Variants in LDLRAD3 observed in about 807,000 individuals in gnomAD.
LDLRAD3 encodes the protein low-density lipoprotein receptor class A domain-containing protein 3.
In LDLRAD3, 20 loss-of-function variants were observed where a neutral mutation model predicts 29.4. The observed-to-expected ratio is 0.68, with a 90% CI of 0.48 to 0.99. The LOEUF (loss-of-function observed/expected upper bound fraction) is 0.99, where lower values mean the gene tolerates loss of function less well. LDLRAD3 is among the 50% of genes least tolerant of loss of function. LDLRAD3 has a pLI of 0.00. For synonymous variants in LDLRAD3, 157 were observed against 192.7 expected, an observed-to-expected ratio of 0.81 and a Z score of 1.53; for missense variants, 420 against 454.3, an observed-to-expected ratio of 0.92 and a Z score of 0.69.
At chr11:36,084,527 T>C (rs145892992) in intron 3 of LDLRAD3, among the ~76,000 whole-genome samples, 1 of 152,268 alleles carries the variant, frequency 6.6e-6, no homozygotes, top group African/African-American at 2.4e-5. Flanking sequence ...TGTTGGAAAG[T>C]GGTAAATAAA....
At chr11:35,979,436 A>T (rs1251595484) in intron 1 of LDLRAD3, among the ~76,000 whole-genome samples, 1 of 152,182 alleles carries the variant, frequency 6.6e-6, no homozygotes, top group Non-Finnish European at 1.5e-5. Flanking sequence ...TGGCCACAGG[A>T]TATTTATTGA....
chr11:36,181,174 G>C (rs1035352378), intron 4 of LDLRAD3, among the ~76,000 whole-genome samples: 1 of 151,662 alleles, frequency 6.6e-6, no homozygotes, highest in African/African-American at 2.4e-5. Flanking sequence ...CAAAACTCTG[G>C]CTAGTCTTTA....
chr11:36,091,552 T>TA (rs1853280918), intron 3 of LDLRAD3, among the ~76,000 whole-genome samples: 1 of 150,160 alleles, frequency 6.7e-6, no homozygotes, highest in African/African-American at 2.4e-5. Context: ...GCTTGGGAAA[T>TA]AGAGCTTTAG....
intron 1 of LDLRAD3, chr11:35,968,440 G>T: frequency 2.6e-6 from 1 of 379,374 alleles, no homozygotes; most frequent in Non-Finnish European, 5.3e-6. Context: ...CAGGATATTT[G>T]AGAAGGTGTG....
rs192788283 is a variant in LDLRAD3, at chr11:36,055,658, A to G, written c.193+19409A>G. ...TGCCCGTGTGCAGGGTAGAAACCAC[A>G]GCGCTAAAAGACACTTGCCTGTGGT... On this transcript the variant is annotated intron_variant, in intron 2 of 5. Transcript: ENST00000315571. 6.1e-4 allele frequency among the ~76,000 whole-genome samples: 93 copies of G among 152,350 alleles called. 1 individual carries two copies. Among genetic ancestry groups the G allele is most frequent in the African/African-American group, 2.1e-3 (89 of 41,588 alleles).
intron 1 of LDLRAD3, among the ~76,000 whole-genome samples, chr11:36,008,478 A>T (rs1293481736): frequency 3.3e-5 from 5 of 152,178 alleles, no homozygotes; most frequent in Non-Finnish European, 7.3e-5. Flanking sequence ...TTCTCCCAGG[A>T]GTTTGTTGGG....
intron 4 of LDLRAD3, among the ~76,000 whole-genome samples, chr11:36,200,507 C>T (rs187407419): frequency 5.9e-5 from 9 of 152,280 alleles, no homozygotes; most frequent in East Asian, 3.9e-4. Flanking sequence ...CATAACAATC[C>T]GTTTTCAGGA....
chr11:36,041,380 C>T (rs1852379499), intron 2 of LDLRAD3, among the ~76,000 whole-genome samples: 1 of 152,198 alleles, frequency 6.6e-6, no homozygotes, highest in African/African-American at 2.4e-5. Flanking sequence ...GTCTCCATAA[C>T]CTTCCTCCAT....
chr11:36,084,838 T>G lies in LDLRAD3; in HGVS notation c.319+3060T>G, dbSNP rs549783958. On this transcript the variant is annotated intron_variant, in intron 3 of 5. Transcript: ENST00000315571. ...CAGCTTTGAATCAGTGTGGATTCACTTCAAGTAGAATGTATTAATAGAAAC... is the reference window on the plus strand; with the variant it reads ...CAGCTTTGAATCAGTGTGGATTCACGTCAAGTAGAATGTATTAATAGAAAC... 5.9e-5 allele frequency among the ~76,000 whole-genome samples: 9 copies of G among 152,364 alleles called. No individual in the cohort carries two copies. In the South Asian group the frequency reaches 1.9e-3, roughly 32 times the overall value.
At chr11:36,225,481 A>G (rs1341942474) in intron 4 of LDLRAD3, among the ~76,000 whole-genome samples, 1 of 152,072 alleles carries the variant, frequency 6.6e-6, no homozygotes, top group East Asian at 1.9e-4. Flanking sequence ...GAAGGCTATT[A>G]TGATAGCAAC....
chr11:36,195,526 A>G lies in LDLRAD3; in HGVS notation c.455-31559A>G, dbSNP rs562058736. 1.7e-4 allele frequency among the ~76,000 whole-genome samples: 26 copies of G among 152,308 alleles called. No homozygotes were observed. The South Asian group carries it at 5.4e-3, about 32-fold the overall frequency. ...TCTAATTCCTTTTGAACATTCAAGT[A>G]GCTTTTCATGATTAAGGCTCAGAGT... On this transcript the variant is annotated intron_variant, in intron 4 of 5. Coordinates refer to ENST00000315571, the MANE Select transcript of LDLRAD3 (RefSeq NM_174902.4).
At chr11:36,060,978 T>C (rs1481600906) in intron 2 of LDLRAD3, among the ~76,000 whole-genome samples, 1 of 152,256 alleles carries the variant, frequency 6.6e-6, no homozygotes, top group East Asian at 1.9e-4. Context: ...ACCTAACCAC[T>C]GTGATGCTTC....
intron 4 of LDLRAD3, among the ~76,000 whole-genome samples, chr11:36,131,626 C>G (rs10836504): frequency 0.43 from 64,977 of 152,082 alleles, 14,287 homozygotes; most frequent in East Asian, 0.62. Flanking sequence ...AGAAAACCTA[C>G]TGTCTTAGCC....
intron 1 of LDLRAD3, among the ~76,000 whole-genome samples, chr11:36,021,396 C>T (rs1852094218): frequency 1.3e-5 from 2 of 151,888 alleles, no homozygotes; most frequent in Admixed American, 1.3e-4. Flanking sequence ...TGTGTGTTAA[C>T]GGGAGGCAGA....
At chr11:36,119,514 T>TG (rs1282597253) in intron 4 of LDLRAD3, among the ~76,000 whole-genome samples, 1 of 152,116 alleles carries the variant, frequency 6.6e-6, no homozygotes, top group Non-Finnish European at 1.5e-5. Flanking sequence ...GTTGTTTTTT[T>TG]TTTTGAAGAC....
At chr11:36,075,832 A>G (rs1852990443) in intron 2 of LDLRAD3, among the ~76,000 whole-genome samples, 1 of 152,144 alleles carries the variant, frequency 6.6e-6, no homozygotes, top group Non-Finnish European at 1.5e-5. Flanking sequence ...TCTCTGTGTC[A>G]TAATCTGATA....
chr11:36,172,904 A>G (rs1401479045), intron 4 of LDLRAD3, among the ~76,000 whole-genome samples: 1 of 152,198 alleles, frequency 6.6e-6, no homozygotes, highest in Non-Finnish European at 1.5e-5. Flanking sequence ...TGGGATTGGT[A>G]CTAATTCTTC....
At chr11:35,971,875 A>C (rs1181512720) in intron 1 of LDLRAD3, among the ~76,000 whole-genome samples, 1 of 152,090 alleles carries the variant, frequency 6.6e-6, no homozygotes, top group Non-Finnish European at 1.5e-5. Flanking sequence ...GAGCCTTAAA[A>C]CTGATTATTG....
intron 4 of LDLRAD3, among the ~76,000 whole-genome samples, chr11:36,203,790 G>A (rs1217710509): frequency 6.6e-6 from 1 of 152,134 alleles, no homozygotes; most frequent in Non-Finnish European, 1.5e-5. Context: ...CATAACCCCA[G>A]AAGGCTTCTC....
Sources: allele counts gnomAD v4.1 joint callset (sites outside exome capture counted in the v4.1 genomes callset), GRCh38; gene constraint gnomAD v4.1.1; transcripts MANE v1.5; gene names NCBI Gene and HGNC (gene_info 2026-07-23, HGNC 2026-07-21).